Variants in DRC3 observed in about 807,000 individuals in gnomAD.
DRC3 encodes the protein dynein regulatory complex subunit 3, also known as leucine rich repeat containing 48.
A neutral mutation model predicts 57.6 loss-of-function variants in DRC3; 45 were observed. The observed-to-expected ratio is 0.78, with a 90% CI of 0.62 to 1.00. The LOEUF (loss-of-function observed/expected upper bound fraction) is 1.00, where lower values mean the gene tolerates loss of function less well. Among genes scored for constraint, DRC3 ranks in the 50% least tolerant of loss-of-function variants. DRC3 has a pLI of 0.00. For synonymous variants in DRC3, 257 were observed against 272.3 expected (o/e 0.94, Z 0.55); for missense variants, 655 against 675.2 (o/e 0.97, Z 0.33).
intron 4 of DRC3, among the ~76,000 whole-genome samples, chr17:17,984,832 A>G (rs1329623920): frequency 6.6e-6 from 1 of 152,014 alleles, no homozygotes; most frequent in South Asian, 2.1e-4. Flanking sequence ...GAGCCTTCCA[A>G]TTTGCCAAAC....
chr17:18,007,161 G>GCGCGCCGCGGGGGGC lies in DRC3; in HGVS notation c.1326+15_1326+16insGCGCCGCGGGGGGCC. 9.4e-7 allele frequency: 1 copy of GCGCGCCGCGGGGGGC among 1,059,878 alleles called. No individual in the cohort carries two copies. Among genetic ancestry groups the GCGCGCCGCGGGGGGC allele is most frequent in the Non-Finnish European group, 1.3e-6 (1 of 748,770 alleles). 65.7% of individuals were successfully genotyped at this position (1,059,878 alleles called of 1,614,324 possible). On this transcript the variant is annotated intron_variant, in intron 12 of 13. Transcript: ENST00000399187. ...GACCTGCGCGCGGTAGGCGGGGCGG[G>GCGCGCCGCGGGGGGC]CTGCTCGGAGCCTGACAGATGTGGT...
chr17:18,005,091 T>TC, intron 10 of DRC3: 1 of 152,786 alleles, frequency 6.5e-6, no homozygotes, highest in Non-Finnish European at 1.5e-5. Context: ...ATGGGATAGA[T>TC]TTCCCCATCA....
In DRC3 at chr17:18,009,942, T is replaced by G. The variant is rs116766173; in HGVS notation, c.1326+2795T>G. Reference sequence around the variant, plus strand: ...TGAGGAGAGAGCCTGGAGCTGGCACTGAGGGAGGGCATCTGAGTGGTGCTG... The same window carrying G: ...TGAGGAGAGAGCCTGGAGCTGGCACGGAGGGAGGGCATCTGAGTGGTGCTG... On this transcript the variant is annotated intron_variant, in intron 12 of 13. Transcript: ENST00000399187. 4.5e-3 allele frequency among the ~76,000 whole-genome samples: 688 copies of G among 152,252 alleles called. 6 individuals carry two copies. The highest frequency in any genetic ancestry group is 0.016 in the African/African-American group (665 of 41,558).
intron 11 of DRC3, chr17:18,006,516 C>T (rs1361564363): frequency 1.8e-6 from 1 of 541,852 alleles, no homozygotes; most frequent in Non-Finnish European, 3.3e-6. Flanking sequence ...CAAGCACACT[C>T]TGGGGTTGAG....
chr17:18,001,095 T>C (rs1030034391), intron 9 of DRC3, among the ~76,000 whole-genome samples: 10 of 151,870 alleles, frequency 6.6e-5, no homozygotes, highest in Non-Finnish European at 8.8e-5. Flanking sequence ...TTCTTTCTTT[T>C]TTTTTTTTAG....
chr17:18,002,660 C>T (rs532826389), intron 9 of DRC3, among the ~76,000 whole-genome samples: 17 of 152,282 alleles, frequency 1.1e-4, no homozygotes, highest in African/African-American at 3.1e-4. Context: ...CTCCGGTAGC[C>T]GAGCTCCACT....
Position 18,016,529 on chromosome 17 carries a change from AGGAATCGGGCTTT to A in DRC3, c.1459-26_1459-14del. ...AGATATTAACCAATGATCTGATGTA[AGGAATCGGGCTTT>A]GGTTTCACTCCTCAGATTCACAAGG... is the stretch of plus-strand genomic sequence containing the variant. On this transcript the variant is annotated splice_polypyrimidine_tract_variant and intron_variant, in intron 13 of 13. Transcript: ENST00000399187. 1 of 1,465,110 alleles carries A rather than the reference AGGAATCGGGCTTT, an allele frequency of 6.8e-7. No individual in the cohort carries two copies. Among genetic ancestry groups the A allele is most frequent in the Non-Finnish European group, 9.6e-7 (1 of 1,046,186 alleles). 90.8% of individuals were successfully genotyped at this position (1,465,110 alleles called of 1,614,324 possible).
chr17:18,012,745 G>A (rs2044213439), intron 12 of DRC3, among the ~76,000 whole-genome samples: 1 of 151,466 alleles, frequency 6.6e-6, no homozygotes. Context: ...AAATGCTTTA[G>A]GACATTGGCC....
intron 3 of DRC3, among the ~76,000 whole-genome samples, chr17:17,980,154 G>C (rs1453143769): frequency 6.6e-6 from 1 of 152,190 alleles, no homozygotes; most frequent in Non-Finnish European, 1.5e-5. Flanking sequence ...AGCTAGGAGG[G>C]GTTCCCCACT....
At chr17:17,986,213 G>A (rs575356892) in intron 4 of DRC3, among the ~76,000 whole-genome samples, 13 of 152,146 alleles carry the variant, frequency 8.5e-5, no homozygotes, top group East Asian at 1.9e-4. Flanking sequence ...CACCTGGCCC[G>A]AACCTCGATT....
chr17:17,979,548 G>C (rs1239367570), intron 3 of DRC3, among the ~76,000 whole-genome samples: 3 of 152,164 alleles, frequency 2.0e-5, no homozygotes, highest in Non-Finnish European at 4.4e-5. Flanking sequence ...TGGCAGTCCT[G>C]TCATGCTGGT....
intron 2 of DRC3, among the ~76,000 whole-genome samples, chr17:17,976,606 G>A (rs1253402632): frequency 2.0e-5 from 3 of 152,182 alleles, no homozygotes; most frequent in Admixed American, 6.5e-5. Context: ...GCTTGAATCC[G>A]GGCGTTGCAG....
rs753835860 is a variant in DRC3 at position 17,983,820 on chromosome 17, T to G, written c.161-8T>G. ...ACCTGAGACTGAAATCACCTTCCAT[T>G]ATTTCAGACATCCTCCGCATAGACA... is the stretch of plus-strand genomic sequence containing the variant. On this transcript the variant is annotated splice_polypyrimidine_tract_variant and splice_region_variant and intron_variant, in intron 3 of 13. Transcript: ENST00000399187. The G allele has an allele frequency of 1.3e-6, 2 of 1,593,096 alleles. No individual in the cohort carries two copies. The highest frequency in any genetic ancestry group is 1.1e-5 in the South Asian group (1 of 90,486).
chr17:18,003,744 G>A (rs1191658715), intron 9 of DRC3, among the ~76,000 whole-genome samples: 12 of 140,244 alleles, frequency 8.6e-5, no homozygotes, highest in Non-Finnish European at 1.2e-4. Flanking sequence ...CCAGGTTCAC[G>A]CCATTCTCCT....
At chr17:17,988,365 A>C in intron 5 of DRC3, 1 of 460,142 alleles carries the variant, frequency 2.2e-6, no homozygotes, top group South Asian at 2.3e-5. Context: ...TTATTTAACA[A>C]ACATTTGCTG....
At position 18,011,516 on chromosome 17, in the gene DRC3, C is replaced by T. The variant is rs562244113; in HGVS notation, c.1326+4369C>T. 2.8e-5 allele frequency: 5 copies of T among 180,012 alleles called. No individual in the cohort carries two copies. In the South Asian group the frequency reaches 4.5e-4, roughly 16 times the overall value. The allele number at this position is 180,012 out of a possible 1,614,324, so 11.2% of individuals were successfully genotyped here. A position where few individuals can be genotyped will look rare whatever the true frequency, so the allele number is the denominator to read the frequency against. ...TGCAAGATGACAGGCTGCTGCGGCT[C>T]TGTGCTGCTGCACCTTATTCCTGCA... On this transcript the variant is annotated intron_variant, in intron 12 of 13. Transcript: ENST00000399187.
At chr17:18,006,838 C>T (rs935390338) in intron 11 of DRC3, 186 bp from the exon 12 acceptor site, 4 of 839,570 alleles carry the variant, frequency 4.8e-6, no homozygotes, top group East Asian at 2.9e-5. Context: ...AGGGTCCGTC[C>T]GAGGTGTGGG....
chr17:17,983,381 C>A (rs1418603548), intron 3 of DRC3, among the ~76,000 whole-genome samples: 1 of 152,208 alleles, frequency 6.6e-6, no homozygotes, highest in Non-Finnish European at 1.5e-5. Flanking sequence ...TCCAAAAAGG[C>A]TGAATGAGGC....
At chr17:17,979,211 T>C (rs1262003945) in intron 3 of DRC3, among the ~76,000 whole-genome samples, 1 of 152,168 alleles carries the variant, frequency 6.6e-6, no homozygotes, top group East Asian at 1.9e-4. Flanking sequence ...CCCCGCCTTA[T>C]CATCTCTGCT....
Sources: gnomAD v4.1 joint callset for allele counts (sites outside exome capture counted in the v4.1 genomes callset) on GRCh38, gnomAD v4.1.1 for gene constraint, MANE v1.5 for transcripts, NCBI Gene and HGNC (gene_info 2026-07-23, HGNC 2026-07-21) for gene names.